VAX2: variants seen among roughly 807,000 people sequenced by gnomAD.
The protein encoded by VAX2 is ventral anterior homeobox 2.
Under a neutral mutation model 12.5 loss-of-function variants are expected in VAX2, and 8 were observed. That is an observed-to-expected ratio of 0.64 (90% CI 0.37 to 1.15). VAX2 has a LOEUF of 1.15. Ranked by LOEUF, VAX2 falls within the 50% of genes most tolerant of loss-of-function variation. The pLI is 0.01. For missense variants in VAX2, 476 were observed against 412.9 expected, an observed-to-expected ratio of 1.15 and a Z score of -1.32; for synonymous variants, 183 against 187.6, an observed-to-expected ratio of 0.98 and a Z score of 0.20.
At chr2:70,932,225 G>A (rs138689441) in intron 2 of VAX2, among the ~76,000 whole-genome samples, 3,494 of 152,290 alleles carry the variant, frequency 0.023, 52 homozygotes, top group Non-Finnish European at 0.032. Context: ...AAGAGGGAGC[G>A]TGGGAAGCCT....
In VAX2 at chr2:70,900,638, C is replaced by T; in HGVS notation, c.17C>T (p.Ala6Val). 2 of 1,271,026 alleles carry T rather than the reference C, an allele frequency of 1.6e-6. No individual in the cohort carries two copies. Among genetic ancestry groups the T allele is most frequent in the East Asian group, 3.1e-5 (1 of 31,784 alleles). The allele number at this position is 1,271,026 out of a possible 1,614,324, so 78.7% of individuals were successfully genotyped here. ...GCGGTCAGCATGGGCGATGGGGGCGCCGAGCGCGACCGGGGCCCCGCGCGC... is the reference window on the plus strand; with the variant it reads ...GCGGTCAGCATGGGCGATGGGGGCGTCGAGCGCGACCGGGGCCCCGCGCGC... MGDGG[A>V]ERDRGPARRA... Residue 6 changes from alanine (A) to valine (V), a missense_variant, in exon 1 of 3, where the codon GCC (alanine) becomes GTC (valine). Transcript: ENST00000234392.
At chr2:70,931,072 C>T (rs1679684904) in intron 2 of VAX2, among the ~76,000 whole-genome samples, 1 of 152,190 alleles carries the variant, frequency 6.6e-6, no homozygotes, top group Admixed American at 6.5e-5. Flanking sequence ...TTTGGGCCCT[C>T]CCCCAACTTG....
chr2:70,903,249 G>A (rs1678972677), intron 1 of VAX2, among the ~76,000 whole-genome samples: 1 of 152,222 alleles, frequency 6.6e-6, no homozygotes, highest in African/African-American at 2.4e-5. Flanking sequence ...CTCCCAAAGA[G>A]CCTTTGGAAG....
At position 70,904,200 on chromosome 2, in the gene VAX2, G is replaced by A. The variant is rs1276914382; in HGVS notation, c.247+3332G>A. 6.6e-6 allele frequency among the ~76,000 whole-genome samples: 1 copy of A among 152,244 alleles called. No individual in the cohort carries two copies. The highest frequency in any genetic ancestry group is 1.5e-5 in the Non-Finnish European group (1 of 68,046). Reference sequence around the variant, plus strand: ...CCCTAGACCAGTGAGGGCGGGGACGGGGAAATCCTTTTGTTTTATATTGGA... The same window carrying A: ...CCCTAGACCAGTGAGGGCGGGGACGAGGAAATCCTTTTGTTTTATATTGGA... On this transcript the variant is annotated intron_variant, in intron 1 of 2. Coordinates refer to ENST00000234392, the MANE Select transcript of VAX2 (RefSeq NM_012476.3). This position sits in a 1 kb window ranked among gnomAD's most constrained non-coding sequence, Gnocchi z 4.2.
chr2:70,911,661 G>C (rs1214394966), intron 1 of VAX2, among the ~76,000 whole-genome samples: 2 of 152,150 alleles, frequency 1.3e-5, no homozygotes, highest in Non-Finnish European at 2.9e-5. Flanking sequence ...TCTCATTGCT[G>C]TTATAACTTT....
At chr2:70,926,583 G>A (rs995188345) in intron 2 of VAX2, among the ~76,000 whole-genome samples, 2 of 152,106 alleles carry the variant, frequency 1.3e-5, no homozygotes, top group East Asian at 1.9e-4. Context: ...AGCTCCCCTG[G>A]GGTAAAATAC....
At chr2:70,928,059 A>G (rs1248803686) in intron 2 of VAX2, among the ~76,000 whole-genome samples, 1 of 152,230 alleles carries the variant, frequency 6.6e-6, no homozygotes, top group Non-Finnish European at 1.5e-5. Flanking sequence ...GAAGAGGATG[A>G]ACCTGAGATG....
At chr2:70,912,317 T>A (rs1218016582) in intron 1 of VAX2, among the ~76,000 whole-genome samples, 2 of 152,204 alleles carry the variant, frequency 1.3e-5, no homozygotes, top group African/African-American at 4.8e-5. Flanking sequence ...TTTATAGCAA[T>A]CACATTATAT....
At chr2:70,913,736 A>T (rs1317114719) in intron 1 of VAX2, among the ~76,000 whole-genome samples, 1 of 152,162 alleles carries the variant, frequency 6.6e-6, no homozygotes, top group African/African-American at 2.4e-5. Flanking sequence ...TACATTTATT[A>T]TCTGTCTCCC....
chr2:70,918,385 G>C (rs1679353465), intron 1 of VAX2, among the ~76,000 whole-genome samples: 1 of 152,224 alleles, frequency 6.6e-6, no homozygotes, highest in Non-Finnish European at 1.5e-5. Flanking sequence ...TGGGACGCTT[G>C]GAGGGAGGGG....
chr2:70,925,799 G>A (rs1034668341), intron 2 of VAX2, among the ~76,000 whole-genome samples: 1 of 152,146 alleles, frequency 6.6e-6, no homozygotes. Flanking sequence ...GGGCCCGAGG[G>A]ATTCAGCACC....
intron 1 of VAX2, among the ~76,000 whole-genome samples, chr2:70,909,119 G>A (rs10439500): frequency 0.042 from 6,316 of 152,120 alleles, 462 homozygotes; most frequent in African/African-American, 0.14. Flanking sequence ...GTTTAGGATG[G>A]TCTTTTGTTT....
Position 70,933,134 on chromosome 2 carries a change from C to A in VAX2, c.803C>A (p.Ala268Asp). The change falls in exon 3 of 3, where the codon GCC becomes GAC. Residue 268 changes from alanine (A) to aspartate (D), a missense_variant. By Grantham distance (126) the Ala-to-Asp change is moderately radical. Coordinates refer to ENST00000234392, the MANE Select transcript of VAX2 (RefSeq NM_012476.3). Reference protein sequence around the residue: ...LPAGYELGSSAFEPYSWLERK... With the variant: ...LPAGYELGSSDFEPYSWLERK... ...GCCGGCTACGAACTGGGTTCCTCGG[C>A]CTTCGAGCCATACAGCTGGCTAGAA... 1 of 1,600,044 alleles carries A rather than the reference C, an allele frequency of 6.2e-7. No homozygotes were observed. Among genetic ancestry groups the A allele is most frequent in the Admixed American group, 1.7e-5 (1 of 58,050 alleles).
At chr2:70,929,057 G>A (rs1392741280) in intron 2 of VAX2, among the ~76,000 whole-genome samples, 1 of 152,204 alleles carries the variant, frequency 6.6e-6, no homozygotes, top group East Asian at 1.9e-4. Flanking sequence ...AGTGTGCAGC[G>A]CTATGGTCCT....
intron 1 of VAX2, among the ~76,000 whole-genome samples, chr2:70,906,808 CCA>C (rs1679072426): frequency 1.3e-5 from 2 of 152,142 alleles, no homozygotes; most frequent in Non-Finnish European, 2.9e-5. Context: ...TGCCCAGCTC[CCA>C]CAGTCAGGCC....
chr2:70,925,024 G>A (rs1277372475), intron 2 of VAX2, among the ~76,000 whole-genome samples: 3 of 152,212 alleles, frequency 2.0e-5, no homozygotes, highest in Non-Finnish European at 2.9e-5. Context: ...AGAAGGAGAC[G>A]TCAAGGCAGA....
chr2:70,928,167 T>A (rs1679614698), intron 2 of VAX2, among the ~76,000 whole-genome samples: 1 of 152,222 alleles, frequency 6.6e-6, no homozygotes, highest in South Asian at 2.1e-4. Flanking sequence ...CAGGGCCCTG[T>A]GAACCTACCC....
chr2:70,919,578 C>T (rs1331023923), intron 1 of VAX2, among the ~76,000 whole-genome samples: 1 of 152,182 alleles, frequency 6.6e-6, no homozygotes, highest in South Asian at 2.1e-4. Flanking sequence ...CAATGGCTCA[C>T]ACCTGTAATC....
At chr2:70,927,139 C>T (rs927313977) in intron 2 of VAX2, among the ~76,000 whole-genome samples, 2 of 152,060 alleles carry the variant, frequency 1.3e-5, no homozygotes, top group Non-Finnish European at 2.9e-5. Context: ...TTTTTCAGCA[C>T]CTGGCAATGC....
Sources: allele counts gnomAD v4.1 joint callset (sites outside exome capture counted in the v4.1 genomes callset), GRCh38; gene constraint gnomAD v4.1.1; non-coding constraint Gnocchi (gnomAD v3.1); transcripts MANE v1.5; gene names NCBI Gene and HGNC (gene_info 2026-07-23, HGNC 2026-07-21).